Variants in PTGES3L observed in about 807,000 individuals in gnomAD.
PTGES3L encodes the protein putative protein PTGES3L.
A neutral mutation model predicts 25.0 loss-of-function variants in PTGES3L; 17 were observed. That is an observed-to-expected ratio of 0.68 (90% CI 0.47 to 1.02). PTGES3L has a LOEUF of 1.02. Among genes scored for constraint, PTGES3L ranks in the 50% least tolerant of loss-of-function variants. The pLI is 0.00. For missense variants in PTGES3L, 202 were observed against 197.5 expected (o/e 1.02, Z -0.14); for synonymous variants, 59 against 65.7 (o/e 0.90, Z 0.50).
intron 4 of PTGES3L, among the ~76,000 whole-genome samples, chr17:42,977,597 T>C (rs1369221651): frequency 1.8e-5 from 2 of 113,866 alleles, no homozygotes; most frequent in Admixed American, 2.3e-4. Context: ...AGAGAGAAAC[T>C]CTGTCTCAAA....
chr17:42,972,916 T>G (rs138498749), intron 4 of PTGES3L, among the ~76,000 whole-genome samples: 142,356 of 146,542 alleles, frequency 0.97, 69,169 homozygotes, highest in East Asian at 1. Flanking sequence ...TAGGAAGTGA[T>G]GAGCGTCTCT....
intron 6 of PTGES3L, among the ~76,000 whole-genome samples, 164 bp downstream of exon 6, chr17:42,970,125 C>A (rs1244111362): frequency 6.6e-6 from 1 of 151,980 alleles, no homozygotes; most frequent in Non-Finnish European, 1.5e-5. Context: ...AAACTCCTCC[C>A]CCACCCCCCA....
chr17:42,973,258 C>T (rs375128422), intron 4 of PTGES3L, among the ~76,000 whole-genome samples: 12 of 128,256 alleles, frequency 9.4e-5, no homozygotes, highest in South Asian at 2.7e-4. Flanking sequence ...GTCAGCCCCC[C>T]GCCCGGCCAG....
chr17:42,979,652 C>T lies in PTGES3L; in HGVS notation c.20G>A (p.Arg7Gln). The change falls in exon 2 of 7, where the codon CGG becomes CAG. Residue 7 changes from arginine (R) to glutamine (Q), a missense_variant. Coordinates refer to ENST00000591916, the MANE Select transcript of PTGES3L (RefSeq NM_001261430.2). MARQHA[R>Q]TLWYDRPRYV... ...CCTGGGCCTGTCGTACCACAAGGTC[C>T]GGGCGTGCTGCCTGAAGAGAAGTTG... is the stretch of plus-strand genomic sequence containing the variant. The T allele has an allele frequency of 1.2e-6, 2 of 1,613,980 alleles. No homozygotes were observed. The highest frequency in any genetic ancestry group is 1.7e-6 in the Non-Finnish European group (2 of 1,179,990).
intron 4 of PTGES3L, among the ~76,000 whole-genome samples, chr17:42,978,819 G>C (rs554218746): frequency 1.3e-5 from 2 of 152,154 alleles, no homozygotes; most frequent in South Asian, 4.2e-4. Flanking sequence ...TGAGCAACAA[G>C]GAGAAACCCC....
intron 1 of PTGES3L, 139 bp from the exon 2 acceptor site, chr17:42,979,802 A>G: frequency 7.0e-7 from 1 of 1,420,596 alleles, no homozygotes; most frequent in Admixed American, 2.2e-5. Context: ...GTGAAAGGGA[A>G]GGGAATGACA....
chr17:42,969,841 C>A (rs939749197), intron 6 of PTGES3L, among the ~76,000 whole-genome samples: 1 of 151,752 alleles, frequency 6.6e-6, no homozygotes, highest in Non-Finnish European at 1.5e-5. Flanking sequence ...TATTAGCCTT[C>A]TTGGGCCAGG....
chr17:42,975,000 G>A (rs561865811), intron 4 of PTGES3L, among the ~76,000 whole-genome samples: 1 of 151,966 alleles, frequency 6.6e-6, no homozygotes, highest in African/African-American at 2.4e-5. Context: ...GCCAGGCATG[G>A]TGGCACACTT....
chr17:42,976,797 G>A (rs938712333), intron 4 of PTGES3L, among the ~76,000 whole-genome samples: 1 of 152,172 alleles, frequency 6.6e-6, no homozygotes, highest in Non-Finnish European at 1.5e-5. Flanking sequence ...TTAAGTGGGG[G>A]AGCATCAGGG....
intron 4 of PTGES3L, among the ~76,000 whole-genome samples, chr17:42,972,379 C>T (rs996682365): frequency 2.6e-4 from 39 of 148,556 alleles, no homozygotes; most frequent in African/African-American, 9.0e-4. Context: ...CCCTCTCATG[C>T]GGAGCCGAAG....
intron 4 of PTGES3L, among the ~76,000 whole-genome samples, chr17:42,972,950 T>G (rs1258654018): frequency 6.9e-6 from 1 of 144,200 alleles, no homozygotes; most frequent in Admixed American, 6.9e-5. Flanking sequence ...TCGTCTGAGA[T>G]GTGGGGAGCA....
chr17:42,976,099 C>T (rs1206760669), intron 4 of PTGES3L, among the ~76,000 whole-genome samples: 5 of 152,198 alleles, frequency 3.3e-5, no homozygotes, highest in Admixed American at 1.3e-4. Context: ...TCTCCCGCCT[C>T]AGCCTCCCGA....
intron 6 of PTGES3L, among the ~76,000 whole-genome samples, chr17:42,969,796 G>A (rs953653793): frequency 2.0e-5 from 3 of 152,036 alleles, no homozygotes; most frequent in African/African-American, 4.8e-5. Flanking sequence ...AAAGCAGGAG[G>A]GTCTTGCTAG....
chr17:42,979,819 G>A (rs1244212941), intron 1 of PTGES3L, 156 bp from the exon 2 acceptor site: 16 of 1,400,916 alleles, frequency 1.1e-5, no homozygotes, highest in Non-Finnish European at 1.4e-5. Flanking sequence ...GACAGGAGTG[G>A]GTGGGTGTGG....
At chr17:42,974,828 G>C (rs1360610138) in intron 4 of PTGES3L, among the ~76,000 whole-genome samples, 1 of 151,454 alleles carries the variant, frequency 6.6e-6, no homozygotes, top group Non-Finnish European at 1.5e-5. Flanking sequence ...CTCTCAGCTT[G>C]GCACTGGGTT....
At chr17:42,971,980 G>A (rs1052590351) in intron 4 of PTGES3L, 9 of 332,112 alleles carry the variant, frequency 2.7e-5, no homozygotes, top group African/African-American at 1.9e-4. Flanking sequence ...ACAAGGTCAG[G>A]AGTTCGAGAC....
At chr17:42,976,481 C>T (rs1016901697) in intron 4 of PTGES3L, among the ~76,000 whole-genome samples, 2 of 152,076 alleles carry the variant, frequency 1.3e-5, no homozygotes, top group South Asian at 2.1e-4. Flanking sequence ...CAGGTTCAAG[C>T]GATTATTCTG....
intron 4 of PTGES3L, among the ~76,000 whole-genome samples, chr17:42,972,734 C>T (rs1404395894): frequency 2.0e-5 from 3 of 151,996 alleles, no homozygotes; most frequent in Non-Finnish European, 4.4e-5. Flanking sequence ...AGCCTCTGCC[C>T]GGCCGCCACC....
intron 4 of PTGES3L, among the ~76,000 whole-genome samples, chr17:42,978,441 T>G (rs1277684370): frequency 6.6e-6 from 1 of 152,010 alleles, no homozygotes; most frequent in Non-Finnish European, 1.5e-5. Flanking sequence ...ATCAAAGGTT[T>G]TGATTGTGAG....
Sources: gnomAD v4.1 joint callset for allele counts (sites outside exome capture counted in the v4.1 genomes callset) on GRCh38, gnomAD v4.1.1 for gene constraint, MANE v1.5 for transcripts, NCBI Gene and HGNC (gene_info 2026-07-23, HGNC 2026-07-21) for gene names.